The following LZTFL1 variants were observed in gnomAD, a reference collection of about 807,000 sequenced individuals.
The protein encoded by LZTFL1 is leucine zipper transcription factor like 1, also known as leucine zipper transcription factor-like protein 1.
LZTFL1 carries 25 observed loss-of-function variants against 45.9 expected under a neutral mutation model. That is an observed-to-expected ratio of 0.54 (90% CI 0.40 to 0.76). LZTFL1 has a LOEUF of 0.76. LZTFL1 is among the 30% of genes least tolerant of loss of function. The pLI, the probability that LZTFL1 is intolerant of heterozygous loss-of-function variation, is 0.00. For synonymous variants in LZTFL1, 93 were observed against 117.4 expected (o/e 0.79, Z 1.35); for missense variants, 277 against 331.1 (o/e 0.84, Z 1.27).
chr3:45,857,702 A>G (rs533449391), intron 3 of LZTFL1, among the ~76,000 whole-genome samples: 1 of 152,352 alleles, frequency 6.6e-6, no homozygotes, highest in African/African-American at 2.4e-5. Flanking sequence ...AGGCCAAAAG[A>G]CAATTTTTAA....
chr3:45,911,902 T>C (rs1374121435), intron 2 of LZTFL1, among the ~76,000 whole-genome samples: 1 of 152,276 alleles, frequency 6.6e-6, no homozygotes, highest in Admixed American at 6.5e-5. Context: ...AGTTTTCGCA[T>C]TTTAAAAGTT....
At chr3:45,886,169 G>T (rs916183727) in intron 2 of LZTFL1, among the ~76,000 whole-genome samples, 7 of 152,180 alleles carry the variant, frequency 4.6e-5, no homozygotes, top group African/African-American at 1.2e-4. Flanking sequence ...CCACTGGGTG[G>T]TAATCTGATA....
chr3:45,897,480 C>G, intron 2 of LZTFL1: 1 of 844,840 alleles, frequency 1.2e-6, no homozygotes, highest in Non-Finnish European at 1.9e-6. Context: ...GTTAGCTGTG[C>G]CTGCTCACCG....
chr3:45,857,933 A>G (rs1701419396), intron 3 of LZTFL1, among the ~76,000 whole-genome samples: 2 of 152,310 alleles, frequency 1.3e-5, no homozygotes, highest in Non-Finnish European at 1.5e-5. Flanking sequence ...CATTTCTGCT[A>G]TGTAAGGAAA....
intron 2 of LZTFL1, among the ~76,000 whole-genome samples, chr3:45,899,239 G>A (rs1033143368): frequency 6.6e-6 from 1 of 152,190 alleles, no homozygotes; most frequent in Non-Finnish European, 1.5e-5. Flanking sequence ...CAGGAGTATT[G>A]TGAATTTCAA....
At chr3:45,868,928 T>A (rs930395017) in intron 2 of LZTFL1, among the ~76,000 whole-genome samples, 1 of 152,124 alleles carries the variant, frequency 6.6e-6, no homozygotes, top group Non-Finnish European at 1.5e-5. Flanking sequence ...TGAGAGCTTG[T>A]TAGAAATGCA....
intron 2 of LZTFL1, among the ~76,000 whole-genome samples, chr3:45,882,908 T>G (rs1162580830): frequency 6.6e-6 from 1 of 151,902 alleles, no homozygotes. Flanking sequence ...AAAATAACAG[T>G]TTATTACTTA....
At chr3:45,881,287 C>CT (rs1701854921) in intron 2 of LZTFL1, among the ~76,000 whole-genome samples, 1 of 152,202 alleles carries the variant, frequency 6.6e-6, no homozygotes, top group South Asian at 2.1e-4. Flanking sequence ...CATATCACAT[C>CT]CAGTGCTACA....
At chr3:45,883,050 A>AC (rs1701890583) in intron 2 of LZTFL1, among the ~76,000 whole-genome samples, 1 of 152,116 alleles carries the variant, frequency 6.6e-6, no homozygotes, top group African/African-American at 2.4e-5. Context: ...ACTTTGCTAT[A>AC]CTCAGAAGCA....
At chr3:45,902,105 T>G (rs939992030) in intron 2 of LZTFL1, 10 of 517,852 alleles carry the variant, frequency 1.9e-5, no homozygotes, top group African/African-American at 1.7e-4. Flanking sequence ...GATTGGCTCT[T>G]GACTGTGATG....
intron 4 of LZTFL1, among the ~76,000 whole-genome samples, 156 bp downstream of exon 4, chr3:45,834,082 T>C (rs1175547761): frequency 6.6e-6 from 1 of 152,246 alleles, no homozygotes; most frequent in Non-Finnish European, 1.5e-5. Context: ...ATTTTTTCTT[T>C]TGCCTGAAAA....
chr3:45,852,465 A>G (rs746932271), intron 4 of LZTFL1, among the ~76,000 whole-genome samples: 2 of 152,212 alleles, frequency 1.3e-5, no homozygotes, highest in African/African-American at 2.4e-5. Flanking sequence ...ATGGAGCAAT[A>G]AAAGAGTAGT....
intron 2 of LZTFL1, among the ~76,000 whole-genome samples, chr3:45,895,411 G>C (rs1702321645): frequency 6.6e-6 from 1 of 152,168 alleles, no homozygotes; most frequent in Non-Finnish European, 1.5e-5. Context: ...CAAGAGCTGA[G>C]CAAAAATTAG....
chr3:45,885,550 T>A (rs957188249), intron 2 of LZTFL1, among the ~76,000 whole-genome samples: 1 of 152,170 alleles, frequency 6.6e-6, no homozygotes, highest in Non-Finnish European at 1.5e-5. Flanking sequence ...ACTCCATGTG[T>A]TCCTAGCTAC....
chr3:45,885,863 C>T (rs1701968247), intron 2 of LZTFL1, among the ~76,000 whole-genome samples: 1 of 152,140 alleles, frequency 6.6e-6, no homozygotes, highest in African/African-American at 2.4e-5. Context: ...CAGGCATGGG[C>T]CACCATGCCT....
At chr3:45,896,381 A>C (rs1040628132) in intron 2 of LZTFL1, among the ~76,000 whole-genome samples, 5 of 152,230 alleles carry the variant, frequency 3.3e-5, no homozygotes, top group African/African-American at 1.2e-4. Context: ...AATGGGAAGA[A>C]GATGGGACCC....
chr3:45,859,590 A>G (rs972332593), intron 2 of LZTFL1, among the ~76,000 whole-genome samples: 4 of 152,160 alleles, frequency 2.6e-5, no homozygotes, highest in Admixed American at 2.6e-4. Flanking sequence ...TAAATGACAA[A>G]AATTAACGAA....
intron 1 of LZTFL1, 102 bp from the exon 2 acceptor site, chr3:45,838,153 T>G (rs1419556583): frequency 2.4e-6 from 3 of 1,245,036 alleles, no homozygotes; most frequent in Non-Finnish European, 3.3e-6. Flanking sequence ...CTGCTAGATC[T>G]CCATCAAATT....
At chr3:45,855,010 C>A (rs981239823) in exon 4 of LZTFL1, 59 of 1,534,998 alleles carry the variant, frequency 3.8e-5, no homozygotes, top group Non-Finnish European at 5.1e-5. Flanking sequence ...GAACTTAGCC[C>A]AGCTTCTTGG....
Sources: allele counts gnomAD v4.1 joint callset (sites outside exome capture counted in the v4.1 genomes callset), GRCh38; gene constraint gnomAD v4.1.1; transcripts MANE v1.5; gene names NCBI Gene and HGNC (gene_info 2026-07-23, HGNC 2026-07-21).